GXYLT2: variants seen among roughly 807,000 people sequenced by gnomAD.
GXYLT2 encodes glucoside xylosyltransferase 2, also known as glycosyltransferase 8 domain containing 4.
Under a neutral mutation model 45.8 loss-of-function variants are expected in GXYLT2, and 53 were observed. That is an observed-to-expected ratio of 1.16 (90% CI 0.93 to 1.46). The LOEUF is 1.46. Among genes scored for constraint, GXYLT2 ranks in the 40% most tolerant of loss-of-function variants. GXYLT2 has a pLI of 0.00. For missense variants in GXYLT2, 551 were observed against 544.4 expected (o/e 1.01, Z -0.12); for synonymous variants, 219 against 214.2 (o/e 1.02, Z -0.19).
intron 3 of GXYLT2, among the ~76,000 whole-genome samples, chr3:72,953,568 T>C (rs1182869158): frequency 6.6e-6 from 1 of 152,072 alleles, no homozygotes; most frequent in Non-Finnish European, 1.5e-5. Context: ...AGGATTGAAA[T>C]TAGAATCTTC....
At chr3:72,893,732 A>C (rs1267902126) in intron 1 of GXYLT2, among the ~76,000 whole-genome samples, 1 of 152,254 alleles carries the variant, frequency 6.6e-6, no homozygotes, top group Non-Finnish European at 1.5e-5. Flanking sequence ...AATAATATTC[A>C]AAATAGTCCC....
chr3:72,931,967 A>C (rs991901707), intron 3 of GXYLT2, among the ~76,000 whole-genome samples: 1 of 152,236 alleles, frequency 6.6e-6, no homozygotes. Context: ...CAACATTACC[A>C]AAATAAAAGG....
At chr3:72,892,611 A>G (rs1228522012) in intron 1 of GXYLT2, among the ~76,000 whole-genome samples, 8 of 152,194 alleles carry the variant, frequency 5.3e-5, no homozygotes, top group Non-Finnish European at 1.2e-4. Flanking sequence ...GAAAGGAAGC[A>G]TGTGTCTCAT....
At chr3:72,952,248 C>G (rs1710542711) in intron 3 of GXYLT2, among the ~76,000 whole-genome samples, 1 of 152,094 alleles carries the variant, frequency 6.6e-6, no homozygotes, top group Non-Finnish European at 1.5e-5. Flanking sequence ...AGTGATCTGC[C>G]TGCCTCAGCC....
intron 6 of GXYLT2, among the ~76,000 whole-genome samples, chr3:72,970,676 A>T (rs1482373252): frequency 6.6e-6 from 1 of 152,056 alleles, no homozygotes; most frequent in African/African-American, 2.4e-5. Flanking sequence ...CCTGACCAAC[A>T]TGGAGAAATC....
chr3:72,953,085 A>G (rs1241627444), intron 3 of GXYLT2, among the ~76,000 whole-genome samples: 2 of 152,144 alleles, frequency 1.3e-5, no homozygotes, highest in African/African-American at 4.8e-5. Context: ...GCACAGGAGA[A>G]CTAATTTACC....
intron 1 of GXYLT2, among the ~76,000 whole-genome samples, chr3:72,905,100 A>G (rs28681146): frequency 2.6e-5 from 4 of 151,110 alleles, no homozygotes; most frequent in African/African-American, 9.7e-5. Flanking sequence ...GAAAGAAAAG[A>G]AAAAGAAAAT....
At chr3:72,944,817 G>A (rs1391292971) in intron 3 of GXYLT2, among the ~76,000 whole-genome samples, 1 of 151,980 alleles carries the variant, frequency 6.6e-6, no homozygotes, top group Non-Finnish European at 1.5e-5. Context: ...TTAGTTTGCA[G>A]GGCATTTTCG....
chr3:72,894,760 G>A (rs1709251920), intron 1 of GXYLT2, among the ~76,000 whole-genome samples: 1 of 152,234 alleles, frequency 6.6e-6, no homozygotes, highest in South Asian at 2.1e-4. Context: ...GGAGGTTGTT[G>A]AGGGGAGGAT....
chr3:72,908,117 G>A, intron 1 of GXYLT2: 1 of 367,390 alleles, frequency 2.7e-6, no homozygotes, highest in South Asian at 6.2e-5. Context: ...CTGAGTGCTG[G>A]CAGAAAAAGC....
At chr3:72,890,451 G>A (rs893678059) in intron 1 of GXYLT2, among the ~76,000 whole-genome samples, 1 of 152,244 alleles carries the variant, frequency 6.6e-6, no homozygotes, top group African/African-American at 2.4e-5. Flanking sequence ...CCACTTTTCA[G>A]ATGAGGAAAG....
chr3:72,910,701 G>T (rs1182311301), intron 2 of GXYLT2, among the ~76,000 whole-genome samples: 1 of 152,212 alleles, frequency 6.6e-6, no homozygotes, highest in Non-Finnish European at 1.5e-5. Context: ...GTAGTTCGTG[G>T]GATGCCATGG....
intron 3 of GXYLT2, among the ~76,000 whole-genome samples, chr3:72,953,859 C>T (rs917033056): frequency 6.6e-6 from 1 of 152,126 alleles, no homozygotes; most frequent in African/African-American, 2.4e-5. Context: ...TTTGGGAGGC[C>T]AGGGTGGGAG....
At chr3:72,903,235 G>A (rs1006198307) in intron 1 of GXYLT2, among the ~76,000 whole-genome samples, 3 of 152,132 alleles carry the variant, frequency 2.0e-5, no homozygotes, top group South Asian at 2.1e-4. Flanking sequence ...TAGGTCTTAC[G>A]CAAGACCATT....
At position 72,955,120 on chromosome 3, in the gene GXYLT2, C is replaced by A. The variant is rs1236626860; in HGVS notation, c.623C>A (p.Ser208Ter). The A allele has an allele frequency of 6.2e-7, 1 of 1,613,982 alleles. No homozygotes were observed. Among genetic ancestry groups the A allele is most frequent in the East Asian group, 2.2e-5 (1 of 44,886 alleles). Residue 208 changes from serine to a stop codon, truncating the protein, a stop_gained, in exon 4 of 7, where the codon TCA becomes TAA. Transcript: ENST00000389617. LOFTEE classifies it high-confidence loss of function. The part of the protein sequence containing the change: ...FLPVILKDVD[S>*]LLYVDTDVLF... ...AAGGTGATTTTAAAGGATGTGGACT[C>A]ACTTCTCTACGTGGACACCGATGTC...
chr3:72,955,013 T>C, intron 3 of GXYLT2, 85 bp from the exon 4 acceptor site: 4 of 1,410,286 alleles, frequency 2.8e-6, no homozygotes, highest in Non-Finnish European at 3.9e-6. Context: ...TATTTACCTA[T>C]CAGGCTACTT....
intron 3 of GXYLT2, among the ~76,000 whole-genome samples, chr3:72,950,628 T>TA (rs36027041): frequency 0.24 from 34,331 of 145,214 alleles, 4,396 homozygotes; most frequent in South Asian, 0.38. Context: ...AAACCCTGTC[T>TA]AAAAAAAAAA....
chr3:72,890,224 C>G (rs900522792), intron 1 of GXYLT2, among the ~76,000 whole-genome samples: 1 of 152,166 alleles, frequency 6.6e-6, no homozygotes, highest in East Asian at 1.9e-4. Context: ...CAACCATAAC[C>G]CTTTGACAGT....
At chr3:72,945,122 C>CA (rs35015597) in intron 3 of GXYLT2, among the ~76,000 whole-genome samples, 82,359 of 136,438 alleles carry the variant, frequency 0.6, 25,223 homozygotes, top group Non-Finnish European at 0.67. Flanking sequence ...ACTAAAACTA[C>CA]AAAAAAAAAA....
Sources: allele counts gnomAD v4.1 joint callset (sites outside exome capture counted in the v4.1 genomes callset), GRCh38; gene constraint gnomAD v4.1.1; transcripts MANE v1.5; gene names NCBI Gene and HGNC (gene_info 2026-07-23, HGNC 2026-07-21).